Variants in ELF5 observed in about 807,000 individuals in gnomAD.
The protein encoded by ELF5 is E74 like ETS transcription factor 5.
ELF5 carries 31 observed loss-of-function variants against 38.2 expected under a neutral mutation model. That is an observed-to-expected ratio of 0.81 (90% CI 0.61 to 1.10). ELF5 has a LOEUF of 1.10. ELF5 is among the 50% of genes least tolerant of loss of function. ELF5 has a pLI of 0.00. For missense variants in ELF5, 300 were observed against 306.6 expected (o/e 0.98, Z 0.16); for synonymous variants, 121 against 112.5 (o/e 1.08, Z -0.48).
At chr11:34,485,983 C>G (rs1849983109) in intron 4 of ELF5, among the ~76,000 whole-genome samples, 1 of 152,250 alleles carries the variant, frequency 6.6e-6, no homozygotes, top group African/African-American at 2.4e-5. Flanking sequence ...GGAGACATGG[C>G]CCAGGCTCTC....
intron 1 of ELF5, among the ~76,000 whole-genome samples, chr11:34,513,392 G>A (rs772222275): frequency 2.1e-4 from 32 of 152,382 alleles, no homozygotes; most frequent in Non-Finnish European, 7.3e-5. Flanking sequence ...AGAACTGAGC[G>A]CCTGGGCGCG....
chr11:34,486,111 G>A (rs1017437688), intron 4 of ELF5, among the ~76,000 whole-genome samples: 3 of 152,124 alleles, frequency 2.0e-5, no homozygotes, highest in African/African-American at 7.2e-5. Flanking sequence ...TGGGGTGGGG[G>A]CCTGAGTTGC....
chr11:34,482,444 A>C lies in ELF5; in HGVS notation c.462T>G (p.Ser154Arg). The C allele has an allele frequency of 6.2e-7, 1 of 1,613,138 alleles. No individual in the cohort carries two copies. Among genetic ancestry groups the C allele is most frequent in the South Asian group, 1.1e-5 (1 of 90,650 alleles). Residue 154 changes from serine to arginine, a missense_variant, in exon 5 of 7, where the codon AGT becomes AGG. Ser to Arg is a moderately radical substitution (Grantham distance 110). Transcript: ENST00000257832. ...TCCTGCACTTACTTGTTCTACTATG[A>C]CTGTGACAGTCTTGACTTTTGATGC... ...TSGIKSQDCH[S>R]HSRTSLQSSH...
intron 3 of ELF5, chr11:34,492,897 A>G (rs1411661294): frequency 1.8e-5 from 3 of 163,642 alleles, no homozygotes; most frequent in African/African-American, 4.8e-5. Flanking sequence ...TCCTTTATCT[A>G]TGTGTGACTT....
intron 2 of ELF5, among the ~76,000 whole-genome samples, chr11:34,502,421 C>G (rs3758737): frequency 0.14 from 21,419 of 152,250 alleles, 1,672 homozygotes; most frequent in Admixed American, 0.21. Flanking sequence ...TCCTGACCCA[C>G]CCCTGCCAGA....
chr11:34,481,125 C>A (rs1197456694), intron 5 of ELF5, among the ~76,000 whole-genome samples, 158 bp from the exon 6 acceptor site: 1 of 152,006 alleles, frequency 6.6e-6, no homozygotes, highest in East Asian at 1.9e-4. Context: ...TGGGTTCAAG[C>A]GATTCTTCTG....
At chr11:34,506,455 A>G (rs7926613) in intron 1 of ELF5, among the ~76,000 whole-genome samples, 24,351 of 152,166 alleles carry the variant, frequency 0.16, 4,394 homozygotes, top group African/African-American at 0.45. Context: ...ACACACAGGT[A>G]ACAAACCTGC....
chr11:34,508,151 C>T (rs1281006590), intron 1 of ELF5, among the ~76,000 whole-genome samples: 1 of 152,146 alleles, frequency 6.6e-6, no homozygotes, highest in Non-Finnish European at 1.5e-5. Flanking sequence ...GGTTAGCAAA[C>T]TACATCCTAT....
intron 1 of ELF5, among the ~76,000 whole-genome samples, chr11:34,512,549 T>C (rs1212839351): frequency 2.0e-5 from 3 of 151,618 alleles, no homozygotes; most frequent in African/African-American, 4.9e-5. Context: ...CATGCCCCTC[T>C]TCGAACTACG....
At chr11:34,507,918 C>T (rs780195909) in intron 1 of ELF5, among the ~76,000 whole-genome samples, 21 of 152,152 alleles carry the variant, frequency 1.4e-4, no homozygotes, top group Admixed American at 2.6e-4. Flanking sequence ...CATTTGCCTA[C>T]GACTGTGATA....
intron 2 of ELF5, among the ~76,000 whole-genome samples, chr11:34,499,704 T>C (rs1850409374): frequency 6.6e-6 from 1 of 152,210 alleles, no homozygotes; most frequent in Admixed American, 6.5e-5. Context: ...TTTGTGAAGC[T>C]AGATGAACCT....
intron 2 of ELF5, among the ~76,000 whole-genome samples, chr11:34,500,197 G>A (rs1235452069): frequency 1.3e-5 from 2 of 152,176 alleles, no homozygotes; most frequent in East Asian, 1.9e-4. Flanking sequence ...GAGGAGGCCC[G>A]AGTTAGACAA....
chr11:34,490,891 C>T (rs2146963), intron 3 of ELF5, among the ~76,000 whole-genome samples: 4,778 of 152,226 alleles, frequency 0.031, 240 homozygotes, highest in African/African-American at 0.11. Context: ...CGACTGAGAA[C>T]AGGATGGGAG....
intron 2 of ELF5, among the ~76,000 whole-genome samples, chr11:34,497,105 C>A (rs1351463241): frequency 6.6e-6 from 1 of 152,148 alleles, no homozygotes; most frequent in African/African-American, 2.4e-5. Context: ...GTGTTTAGAA[C>A]CTTAATGAAG....
intron 2 of ELF5, among the ~76,000 whole-genome samples, chr11:34,495,863 C>T (rs1035019590): frequency 3.3e-5 from 5 of 152,204 alleles, no homozygotes; most frequent in African/African-American, 9.6e-5. Flanking sequence ...TCGGCCTGAG[C>T]TTTCATCTAC....
At chr11:34,497,039 A>T (rs893574852) in intron 2 of ELF5, among the ~76,000 whole-genome samples, 1 of 152,220 alleles carries the variant, frequency 6.6e-6, no homozygotes, top group African/African-American at 2.4e-5. Context: ...GAAAAAATAA[A>T]AAATACAATC....
At chr11:34,498,889 C>T (rs1850382240) in intron 2 of ELF5, among the ~76,000 whole-genome samples, 1 of 152,024 alleles carries the variant, frequency 6.6e-6, no homozygotes. Context: ...GTCAGGAGTT[C>T]AAGACCAGCC....
At chr11:34,494,764 A>G (rs543527734) in intron 2 of ELF5, among the ~76,000 whole-genome samples, 49 of 152,360 alleles carry the variant, frequency 3.2e-4, no homozygotes, top group African/African-American at 1.1e-3. Flanking sequence ...CATGGAAAAC[A>G]TTCATTCATT....
At chr11:34,491,804 G>A (rs1457765666) in intron 3 of ELF5, 1 of 152,144 alleles carries the variant, frequency 6.6e-6, no homozygotes, top group Non-Finnish European at 1.5e-5. Context: ...TCGAATTCCT[G>A]ACCTTAGATG....
Sources: allele counts gnomAD v4.1 joint callset (sites outside exome capture counted in the v4.1 genomes callset), GRCh38; gene constraint gnomAD v4.1.1; transcripts MANE v1.5; gene names NCBI Gene and HGNC (gene_info 2026-07-23, HGNC 2026-07-21).